SLC45A1: variants seen among roughly 807,000 people sequenced by gnomAD.
The protein encoded by SLC45A1 is proton-associated sugar transporter A.
In SLC45A1, 28 loss-of-function variants were observed where a neutral mutation model predicts 57.6. The observed-to-expected ratio is 0.49, with a 90% CI of 0.36 to 0.67. The LOEUF (loss-of-function observed/expected upper bound fraction) is 0.67. Among genes scored for constraint, SLC45A1 ranks in the 30% least tolerant of loss-of-function variants. SLC45A1 has a pLI of 0.00. For synonymous variants in SLC45A1, 459 were observed against 471.5 expected, an observed-to-expected ratio of 0.97 and a Z score of 0.34; for missense variants, 814 against 1,041.5, an observed-to-expected ratio of 0.78 and a Z score of 3.01.
rs1335083236 is a variant in SLC45A1, at chr1:8,327,783, C to T, written c.715+1741C>T. 6.6e-6 allele frequency among the ~76,000 whole-genome samples: 1 copy of T among 152,214 alleles called. No homozygotes were observed. The highest frequency in any genetic ancestry group is 1.5e-5 in the Non-Finnish European group (1 of 68,038). On this transcript the variant is annotated intron_variant, in intron 4 of 8. Transcript: ENST00000471889. The surrounding 1 kb of genome is among the most constrained non-coding windows in gnomAD (Gnocchi z 4.3). ...TGGTGGCTCATGCCTGTAACCCCAG[C>T]ACTTTGAGAGGCTGAAGTGGGTGAA...
At chr1:8,340,917 G>T (rs1325704703) in intron 8 of SLC45A1, among the ~76,000 whole-genome samples, 1 of 152,144 alleles carries the variant, frequency 6.6e-6, no homozygotes, top group Non-Finnish European at 1.5e-5. Context: ...AGGGGTCCGG[G>T]CGTGGTGGCT....
At chr1:8,322,658 G>A (rs981317854) in intron 1 of SLC45A1, among the ~76,000 whole-genome samples, 5 of 152,126 alleles carry the variant, frequency 3.3e-5, no homozygotes, top group African/African-American at 4.8e-5. Context: ...GTAAGTTAAT[G>A]TCAGGAAAAA....
At chr1:8,324,251 G>A in intron 1 of SLC45A1, 55 bp from the exon 2 acceptor site, 2 of 1,483,358 alleles carry the variant, frequency 1.3e-6, no homozygotes, top group South Asian at 1.2e-5. Flanking sequence ...CAAATGTTGG[G>A]GGAGGACTAC....
At chr1:8,342,020 A>ATGGC (rs1640836873) in intron 8 of SLC45A1, among the ~76,000 whole-genome samples, 1 of 152,110 alleles carries the variant, frequency 6.6e-6, no homozygotes, top group Non-Finnish European at 1.5e-5. Flanking sequence ...ATCCTGGCTA[A>ATGGC]CACAGTGAAG....
intron 7 of SLC45A1, among the ~76,000 whole-genome samples, chr1:8,338,982 C>T (rs1640714520): frequency 6.6e-6 from 1 of 152,166 alleles, no homozygotes; most frequent in East Asian, 1.9e-4. Context: ...TGGGTTCCCC[C>T]ATAGCCATGT....
At chr1:8,324,171 G>A (rs756857469) in intron 1 of SLC45A1, 135 bp from the exon 2 acceptor site, 176 of 805,590 alleles carry the variant, frequency 2.2e-4, no homozygotes, top group Non-Finnish European at 2.5e-4. Flanking sequence ...AGGCCCCGGA[G>A]CATCAACCAT....
At chr1:8,320,655 C>A (rs1639975908) in intron 1 of SLC45A1, among the ~76,000 whole-genome samples, 1 of 146,892 alleles carries the variant, frequency 6.8e-6, no homozygotes, top group Non-Finnish European at 1.5e-5. Flanking sequence ...GTCTGTCTGT[C>A]TGTCTCTCTC....
At chr1:8,338,527 C>T (rs564964653) in intron 7 of SLC45A1, among the ~76,000 whole-genome samples, 47 of 152,334 alleles carry the variant, frequency 3.1e-4, no homozygotes, top group African/African-American at 8.7e-4. Context: ...GGGGCCTGGC[C>T]GGTAGCGTGC....
rs140511753 is a variant in SLC45A1, at chr1:8,339,572, C to T, written c.1854C>T (p.Thr618=). 7.0e-4 allele frequency: 1,135 copies of T among 1,614,110 alleles called. 2 individuals carry two copies. The highest frequency in any genetic ancestry group is 9.2e-4 in the Non-Finnish European group (1,085 of 1,180,046). The change falls in exon 8 of 9, where the codon ACC becomes ACT. Residue 618 remains threonine (T), a synonymous_variant. Transcript: ENST00000471889. ...CCTATCTCGCCTTCGGCCTGGGGAC[C>T]GGGCTTGCCACCCTCTCCAGGAACC... is the stretch of plus-strand genomic sequence containing the variant. The part of the protein sequence containing the change: ...FIAYLAFGLG[T]GLATLSRNLY...
rs367573043 is a variant in SLC45A1, at chr1:8,325,311, G to C, written c.411G>C (p.Gln137His). The C allele has an allele frequency of 6.2e-7, 1 of 1,613,474 alleles. No homozygotes were observed. Among genetic ancestry groups the C allele is most frequent in the African/African-American group, 1.3e-5 (1 of 74,860 alleles). The change falls in exon 3 of 9, where the codon CAG (glutamine) becomes CAC (histidine). Residue 137 changes from glutamine (Q) to histidine (H), a missense_variant. Gln to His is a conservative substitution (Grantham distance 24). Coordinates refer to ENST00000471889, the MANE Select transcript of SLC45A1 (RefSeq NM_001080397.3). This position sits in a 1 kb window ranked among gnomAD's most constrained non-coding sequence, Gnocchi z 6.3. ...FISPILGFLL[Q>H]PLLGAWSDRC... is the part of the protein sequence containing the mutation. ...GCTCTGTTTCAGGATTCCTACTGCA[G>C]CCTCTGTTGGGTGCTTGGAGTGACC...
Position 8,339,729 on chromosome 1 carries a change from C to T in SLC45A1, c.1980+31C>T, listed in dbSNP as rs376396862. On this transcript the variant is annotated intron_variant, in intron 8 of 8. Coordinates refer to ENST00000471889, the MANE Select transcript of SLC45A1 (RefSeq NM_001080397.3). ...TGCTCTCCCTTGTCTTGCTTCGGGT[C>T]TGCTTCTTGGAGAAACCCCACCTGA... 9 of 1,597,076 alleles carry T rather than the reference C, an allele frequency of 5.6e-6. No individual in the cohort carries two copies. In the African/African-American group the frequency reaches 1.1e-4, roughly 19 times the overall value.
intron 1 of SLC45A1, among the ~76,000 whole-genome samples, chr1:8,321,297 A>C (rs1290379457): frequency 6.6e-6 from 1 of 152,156 alleles, no homozygotes; most frequent in African/African-American, 2.4e-5. Flanking sequence ...CTCTTCCTAC[A>C]GGAAAGCGTG....
rs148867823 is a variant in SLC45A1, at chr1:8,333,466, C to T, written c.1444-1971C>T. ...TTGGTTTTGTTTTGATACAGGGTCT[C>T]ACTTTGTTGCCCAGGCTGGAGTGCG... On this transcript the variant is annotated intron_variant, in intron 5 of 8. Coordinates refer to ENST00000471889, the MANE Select transcript of SLC45A1 (RefSeq NM_001080397.3). Among the ~76,000 whole-genome samples the T allele has an allele frequency of 2.8e-3, 427 of 151,914 alleles. 2 individuals are homozygous for T. Among genetic ancestry groups the T allele is most frequent in the African/African-American group, 9.6e-3 (398 of 41,430 alleles).
chr1:8,343,070 C>CACA lies in SLC45A1; in HGVS notation c.1981-676_1981-674dup, dbSNP rs1273564954. On this transcript the variant is annotated intron_variant, in intron 8 of 8. Transcript: ENST00000471889. The surrounding 1 kb of genome is among the most constrained non-coding windows in gnomAD (Gnocchi z 7.7). The stretch of plus-strand genomic sequence containing the variant: ...CAAGTTCAGCTGGGCTGGCCCTGAG[C>CACA]ACAGCCCTTCTGATGGGGGGAAGCC... 6.6e-6 allele frequency among the ~76,000 whole-genome samples: 1 copy of CACA among 152,222 alleles called. No homozygotes were observed. The highest frequency in any genetic ancestry group is 2.4e-5 in the African/African-American group (1 of 41,466).
intron 8 of SLC45A1, 68 bp downstream of exon 8, chr1:8,339,766 C>G: frequency 1.4e-6 from 2 of 1,397,638 alleles, no homozygotes; most frequent in South Asian, 2.3e-5. Flanking sequence ...AACTGTCCCC[C>G]AGGACCAGCT....
intron 5 of SLC45A1, among the ~76,000 whole-genome samples, chr1:8,332,246 TG>T (rs141390313): frequency 0.012 from 1,785 of 152,364 alleles, 43 homozygotes; most frequent in African/African-American, 0.041. Flanking sequence ...GTGGGAATCC[TG>T]TGCCAATACA....
rs118088989 is a variant in SLC45A1 at position 8,323,530 on chromosome 1, G to T, written c.-24-776G>T. On this transcript the variant is annotated intron_variant, in intron 1 of 8. Transcript: ENST00000471889. Reference sequence around the variant, plus strand: ...AAAAAAAGTAAGTTGAAGCTGGGGGGTGGGGATCTGTTTCTCAGCTCTCCC... The same window carrying T: ...AAAAAAAGTAAGTTGAAGCTGGGGGTTGGGGATCTGTTTCTCAGCTCTCCC... 4.0e-4 allele frequency among the ~76,000 whole-genome samples: 60 copies of T among 151,772 alleles called. No homozygotes were observed. In the East Asian group the frequency reaches 8.5e-3, roughly 22 times the overall value.
At chr1:8,339,423 G>T in intron 7 of SLC45A1, 70 bp from the exon 8 acceptor site, 2 of 1,500,662 alleles carry the variant, frequency 1.3e-6, no homozygotes, top group Non-Finnish European at 1.9e-6. Context: ...CCGCCGGGAG[G>T]TGGCACTGGA....
At position 8,327,774 on chromosome 1, in the gene SLC45A1, T is replaced by C. The variant is rs1343876619; in HGVS notation, c.715+1732T>C. 6.6e-6 allele frequency among the ~76,000 whole-genome samples: 1 copy of C among 152,244 alleles called. No individual in the cohort carries two copies. Among genetic ancestry groups the C allele is most frequent in the East Asian group, 1.9e-4 (1 of 5,202 alleles). ...GGCTGGGCGTGGTGGCTCATGCCTG[T>C]AACCCCAGCACTTTGAGAGGCTGAA... On this transcript the variant is annotated intron_variant, in intron 4 of 8. Transcript: ENST00000471889. This position sits in a 1 kb window ranked among gnomAD's most constrained non-coding sequence, Gnocchi z 4.3.
Sources: allele counts gnomAD v4.1 joint callset (sites outside exome capture counted in the v4.1 genomes callset), GRCh38; gene constraint gnomAD v4.1.1; non-coding constraint Gnocchi (gnomAD v3.1); transcripts MANE v1.5; gene names NCBI Gene and HGNC (gene_info 2026-07-23, HGNC 2026-07-21).